BMP2K: variants seen among roughly 807,000 people sequenced by gnomAD.
BMP2K encodes BMP-2-inducible protein kinase.
Under a neutral mutation model 116.0 loss-of-function variants are expected in BMP2K, and 74 were observed. The ratio of observed to expected loss-of-function variants is 0.64; its 90% CI spans 0.53 to 0.77. BMP2K has a LOEUF of 0.77. BMP2K is among the 30% of genes least tolerant of loss of function. The pLI is 0.00. For missense variants in BMP2K, 1,365 were observed against 1,403.6 expected (o/e 0.97, Z 0.44); for synonymous variants, 486 against 502.5 (o/e 0.97, Z 0.44).
chr4:78,817,708 C>T (rs565946052), intron 1 of BMP2K, among the ~76,000 whole-genome samples: 1 of 152,200 alleles, frequency 6.6e-6, no homozygotes, highest in African/African-American at 2.4e-5. Context: ...CTCTCCTATC[C>T]GCAGAGGTAG....
At chr4:78,905,767 C>T (rs1424398545) in intron 15 of BMP2K, among the ~76,000 whole-genome samples, 1 of 151,770 alleles carries the variant, frequency 6.6e-6, no homozygotes, top group African/African-American at 2.4e-5. Flanking sequence ...AATCTAACAA[C>T]TAGTGGGAAT....
chr4:78,825,904 T>C, intron 1 of BMP2K, 133 bp from the exon 2 acceptor site: 1 of 658,366 alleles, frequency 1.5e-6, no homozygotes, highest in Non-Finnish European at 2.6e-6. Context: ...AATCTACTAG[T>C]AGCTTATTGC....
intron 1 of BMP2K, among the ~76,000 whole-genome samples, chr4:78,823,545 T>G (rs1729731909): frequency 1.4e-5 from 2 of 147,688 alleles, no homozygotes; most frequent in African/African-American, 4.9e-5. Flanking sequence ...TGGTTATATA[T>G]ATAGTTATAT....
intron 7 of BMP2K, among the ~76,000 whole-genome samples, chr4:78,854,205 T>C (rs966335801): frequency 1.3e-5 from 2 of 150,168 alleles, no homozygotes; most frequent in Admixed American, 6.6e-5. Flanking sequence ...TTCTCACTTA[T>C]TGCTTTATGG....
rs1338165318 is a variant in BMP2K at position 78,833,591 on chromosome 4, T to G, written c.307T>G (p.Ser103Ala). 1 of 1,588,794 alleles carries G rather than the reference T, an allele frequency of 6.3e-7. No homozygotes were observed. The change falls in exon 3 of 16, where the codon TCT becomes GCT. Residue 103 changes from serine to alanine, a missense_variant. By Grantham distance (99) the Ser-to-Ala change is moderately conservative. Around this residue, in one of 3 missense-constraint regions of BMP2K, gnomAD observed 762 missense variants for 756.7 expected, o/e 1.01. Transcript: ENST00000502613. ...TTTTTTTTCTTTCCAGAAAGAGCTA[T>G]CTGGTCACAAAAATATTGTGGGCTA... ...KREITIMKEL[S>A]GHKNIVGYLD...
intron 1 of BMP2K, among the ~76,000 whole-genome samples, chr4:78,782,582 C>G (rs6834637): frequency 0.049 from 7,409 of 152,234 alleles, 572 homozygotes; most frequent in African/African-American, 0.17. Context: ...TCTGTGTTTT[C>G]TAGTTTGGTG....
intron 14 of BMP2K, 133 bp from the exon 15 acceptor site, chr4:78,887,041 A>C: frequency 1.6e-6 from 1 of 626,476 alleles, no homozygotes; most frequent in South Asian, 2.1e-5. Flanking sequence ...ACAGTGATAG[A>C]TTCTGAACCT....
chr4:78,779,856 C>T (rs939996011), intron 1 of BMP2K, among the ~76,000 whole-genome samples: 1 of 152,146 alleles, frequency 6.6e-6, no homozygotes, highest in African/African-American at 2.4e-5. Context: ...ATAGAACTTG[C>T]ACCTTTTTAG....
intron 8 of BMP2K, 92 bp downstream of exon 8, chr4:78,859,779 G>A: frequency 4.8e-6 from 4 of 840,606 alleles, no homozygotes; most frequent in Non-Finnish European, 7.3e-6. Flanking sequence ...TTTTGTTGCT[G>A]TTGCTAAAAC....
intron 13 of BMP2K, among the ~76,000 whole-genome samples, chr4:78,873,450 A>C (rs1235183953): frequency 6.6e-6 from 1 of 152,168 alleles, no homozygotes; most frequent in Admixed American, 6.6e-5. Context: ...GATACCTAGG[A>C]GGTAGGAGCT....
chr4:78,829,765 C>CTT, intron 2 of BMP2K, among the ~76,000 whole-genome samples: 1 of 106,526 alleles, frequency 9.4e-6, no homozygotes, highest in Non-Finnish European at 1.8e-5. Context: ...CTTTTCTTTT[C>CTT]TTTTCTTTTC....
At position 78,851,035 on chromosome 4, in the gene BMP2K, C is replaced by A; in HGVS notation, c.862C>A (p.Arg288Ser). The change falls in exon 7 of 16, where the codon CGT becomes AGT. Residue 288 changes from arginine to serine, a missense_variant. Arg to Ser is a moderately radical substitution (Grantham distance 110). Coordinates refer to ENST00000502613, the MANE Select transcript of BMP2K (RefSeq NM_198892.2). ...FTIPDNSRYS[R>S]NIHCLIRFML... ...CATCCCAGACAATTCTCGTTACTCC[C>A]GTAACATACATTGCTTAATAAGTAA... 6.2e-7 allele frequency: 1 copy of A among 1,610,638 alleles called. No homozygotes were observed. The highest frequency in any genetic ancestry group is 8.5e-7 in the Non-Finnish European group (1 of 1,178,122).
intron 8 of BMP2K, among the ~76,000 whole-genome samples, chr4:78,860,430 T>G (rs1412549621): frequency 1.3e-5 from 2 of 151,920 alleles, no homozygotes; most frequent in Non-Finnish European, 2.9e-5. Context: ...GTAAGTTACT[T>G]TAATGTCCAT....
In BMP2K at chr4:78,844,921, T is replaced by G. The variant is rs1252742397; in HGVS notation, c.547-7T>G. The G allele has an allele frequency of 4.4e-6, 7 of 1,588,778 alleles. No homozygotes were observed. The highest frequency in any genetic ancestry group is 6.0e-6 in the Non-Finnish European group (7 of 1,161,006). ...ATACTACTCATTATTGATTTTCTTT[T>G]CTTAAGGTAGAAAATATTTTGTTGA... On this transcript the variant is annotated splice_polypyrimidine_tract_variant and splice_region_variant and intron_variant, in intron 4 of 15. Transcript: ENST00000502613.
chr4:78,847,139 T>TA (rs1375321534), intron 5 of BMP2K, 49 bp from the exon 6 acceptor site: 163 of 1,029,446 alleles, frequency 1.6e-4, no homozygotes, highest in African/African-American at 1.3e-3. Context: ...CTGTCTTTTT[T>TA]TTATATATAT....
At chr4:78,825,130 G>A (rs1729807895) in intron 1 of BMP2K, among the ~76,000 whole-genome samples, 1 of 152,184 alleles carries the variant, frequency 6.6e-6, no homozygotes, top group Non-Finnish European at 1.5e-5. Context: ...CTTGAACCTG[G>A]GAGGCGGAGG....
intron 1 of BMP2K, among the ~76,000 whole-genome samples, chr4:78,813,805 T>A (rs1243372735): frequency 7.2e-5 from 11 of 152,196 alleles, no homozygotes; most frequent in African/African-American, 2.7e-4. Context: ...AATTTTTTTC[T>A]TCTCAGGACT....
In BMP2K at chr4:78,872,739, C is replaced by T. The variant is rs1433703717; in HGVS notation, c.1734C>T (p.Tyr578=). The change falls in exon 13 of 16, where the codon TAC becomes TAT. Residue 578 remains tyrosine, a synonymous_variant. Coordinates refer to ENST00000502613, the MANE Select transcript of BMP2K (RefSeq NM_198892.2). ...PQEFSPALVS[Y]TSSLPAQVGT... is the part of the protein sequence containing the mutation. ...AGTTCTCACCAGCCTTAGTTTCCTA[C>T]ACTTCATCACTTCCAGCTCAGGTTG... 12 of 1,614,160 alleles carry T rather than the reference C, an allele frequency of 7.4e-6. No homozygotes were observed. The highest frequency in any genetic ancestry group is 2.2e-5 in the East Asian group (1 of 44,886).
At chr4:78,810,639 G>T (rs1729044831) in intron 1 of BMP2K, among the ~76,000 whole-genome samples, 1 of 152,132 alleles carries the variant, frequency 6.6e-6, no homozygotes, top group Non-Finnish European at 1.5e-5. Context: ...TTTTTGGTGA[G>T]CTCTAAACCT....
Sources: gnomAD v4.1 joint callset for allele counts (sites outside exome capture counted in the v4.1 genomes callset) on GRCh38, gnomAD v4.1.1 for gene constraint, gnomAD v4.1.1 regional missense constraint, MANE v1.5 for transcripts, NCBI Gene and HGNC (gene_info 2026-07-23, HGNC 2026-07-21) for gene names.